The following DENND1A variants were observed in gnomAD, a reference collection of about 807,000 sequenced individuals.
DENND1A encodes the protein DENN domain containing 1A, also known as DENN domain-containing protein 1A.
A neutral mutation model predicts 113.7 loss-of-function variants in DENND1A; 51 were observed. The ratio of observed to expected loss-of-function variants is 0.45; its 90% CI spans 0.36 to 0.57. The LOEUF is 0.57. Ranked by LOEUF, DENND1A falls within the 20% of genes least tolerant of loss-of-function variation. The probability of loss-of-function intolerance (pLI) is 0.00; values close to 1 mark genes in which losing one functional copy is unlikely to be tolerated. For synonymous variants in DENND1A, 565 were observed against 570.8 expected (o/e 0.99, Z 0.14); for missense variants, 1,258 against 1,395.9 (o/e 0.90, Z 1.57).
chr9:123,381,890 G>A lies in DENND1A; in HGVS notation c.2755C>T (p.Pro919Ser). The change falls in exon 24 of 24, where the codon CCT becomes TCT. Residue 919 changes from proline (P) to serine (S), a missense_variant. Pro to Ser is a moderately conservative substitution (Grantham distance 74, BLOSUM62 -1). Transcript: ENST00000394215. This position sits in a 1 kb window ranked among gnomAD's most constrained non-coding sequence, Gnocchi z 4.7. ...VSTPAGPFGA[P>S]PASLGPAFAS... is the part of the protein sequence containing the mutation. Reference sequence around the variant, plus strand: ...AAAGCCGGCCCCAGGGAAGCTGGAGGGGCCCCGAAAGGCCCGGCTGGTGTG... The same window carrying A: ...AAAGCCGGCCCCAGGGAAGCTGGAGAGGCCCCGAAAGGCCCGGCTGGTGTG... 1 of 1,456,712 alleles carries A rather than the reference G, an allele frequency of 6.9e-7. No individual in the cohort carries two copies. Among genetic ancestry groups the A allele is most frequent in the South Asian group, 1.5e-5 (1 of 68,396 alleles). 90.2% of individuals were successfully genotyped at this position (1,456,712 alleles called of 1,614,324 possible).
chr9:123,690,992 G>T (rs1014218875), intron 5 of DENND1A, among the ~76,000 whole-genome samples: 2 of 152,154 alleles, frequency 1.3e-5, no homozygotes, highest in African/African-American at 4.8e-5. Flanking sequence ...GGTTTTCAGT[G>T]ACCTTTCCTT....
intron 13 of DENND1A, among the ~76,000 whole-genome samples, chr9:123,491,110 A>T (rs1041594028): frequency 1.3e-5 from 2 of 152,278 alleles, no homozygotes; most frequent in African/African-American, 4.8e-5. Flanking sequence ...GGAAATCACC[A>T]GCAATGATCC....
At chr9:123,834,028 CCTGGCGAAAGAGCAAGACT>C (rs1840694327) in intron 2 of DENND1A, among the ~76,000 whole-genome samples, 1 of 152,166 alleles carries the variant, frequency 6.6e-6, no homozygotes, top group African/African-American at 2.4e-5. Context: ...TGCACTCCAG[CCTGGCGAAAGAGCAAGACT>C]CTGTCTCAAA....
intron 2 of DENND1A, among the ~76,000 whole-genome samples, chr9:123,806,933 A>G (rs559900481): frequency 2.0e-5 from 3 of 152,346 alleles, no homozygotes; most frequent in South Asian, 4.1e-4. Flanking sequence ...CTTAAAATCT[A>G]TCTGAAGGAA....
chr9:123,541,224 C>T (rs963932966), intron 13 of DENND1A, among the ~76,000 whole-genome samples: 3 of 152,130 alleles, frequency 2.0e-5, no homozygotes, highest in Non-Finnish European at 4.4e-5. Flanking sequence ...AATTTCAATT[C>T]TCTCTGCTTT....
At chr9:123,641,506 C>T (rs1354260997) in intron 9 of DENND1A, among the ~76,000 whole-genome samples, 4 of 151,256 alleles carry the variant, frequency 2.6e-5, no homozygotes, top group Non-Finnish European at 5.9e-5. Context: ...CGGTGGACTG[C>T]ACTGGTATTC....
chr9:123,623,676 G>A (rs1293374980), intron 10 of DENND1A, among the ~76,000 whole-genome samples: 4 of 152,196 alleles, frequency 2.6e-5, no homozygotes, highest in African/African-American at 7.2e-5. Flanking sequence ...ATTGTATGTC[G>A]TATTTGTGAA....
chr9:123,725,104 G>A (rs976734492), intron 5 of DENND1A, among the ~76,000 whole-genome samples: 23 of 152,314 alleles, frequency 1.5e-4, no homozygotes, highest in Admixed American at 1.3e-3. Flanking sequence ...GCCATTCAGA[G>A]CACAATGACA....
rs142348053 is a variant in DENND1A at position 123,713,878 on chromosome 9, C to T, written c.303-37089G>A. Reference sequence around the variant, plus strand: ...CCAAGGTCATATAGTTTATGAAAGACGGGGCTGAGATTTGACTCTAGATCT... The same window carrying T: ...CCAAGGTCATATAGTTTATGAAAGATGGGGCTGAGATTTGACTCTAGATCT... On this transcript the variant is annotated intron_variant, in intron 5 of 23. Transcript: ENST00000394215. Among the ~76,000 whole-genome samples, 569 of 152,068 alleles carry T rather than the reference C, an allele frequency of 3.7e-3. 3 individuals are homozygous for T. Among genetic ancestry groups the T allele is most frequent in the African/African-American group, 0.012 (499 of 41,476 alleles).
intron 9 of DENND1A, among the ~76,000 whole-genome samples, chr9:123,639,039 TA>T (rs750972974): frequency 0.039 from 1,234 of 32,022 alleles, 1 homozygote; most frequent in Non-Finnish European, 0.052. Context: ...GCATGAGTAG[TA>T]AAAAAAAAAA....
intron 2 of DENND1A, among the ~76,000 whole-genome samples, chr9:123,850,669 G>A (rs1026406165): frequency 6.6e-6 from 1 of 152,100 alleles, no homozygotes; most frequent in Non-Finnish European, 1.5e-5. Flanking sequence ...GATTACATAA[G>A]CTCGCCATGC....
intron 5 of DENND1A, among the ~76,000 whole-genome samples, chr9:123,740,067 C>T (rs2068875917): frequency 6.6e-6 from 1 of 152,152 alleles, no homozygotes; most frequent in Non-Finnish European, 1.5e-5. Context: ...TCTTACAAAA[C>T]CACCTTTAAG....
intron 12 of DENND1A, among the ~76,000 whole-genome samples, chr9:123,561,581 T>C (rs1383082479): frequency 6.6e-6 from 1 of 152,186 alleles, no homozygotes; most frequent in African/African-American, 2.4e-5. Flanking sequence ...GTCATATATC[T>C]AAAGCTGAAC....
At chr9:123,652,571 G>T (rs369721438) in intron 8 of DENND1A, among the ~76,000 whole-genome samples, 8 of 152,278 alleles carry the variant, frequency 5.3e-5, no homozygotes, top group East Asian at 3.9e-4. Flanking sequence ...CTAAGCAAAA[G>T]AAAGTACCCA....
chr9:123,504,733 C>T (rs180781769), intron 13 of DENND1A, among the ~76,000 whole-genome samples: 7 of 152,266 alleles, frequency 4.6e-5, no homozygotes, highest in South Asian at 2.1e-4. Context: ...CAGGCAGGGC[C>T]GGCACTCCTG....
intron 5 of DENND1A, among the ~76,000 whole-genome samples, chr9:123,757,500 T>C (rs1438286217): frequency 6.6e-6 from 1 of 152,160 alleles, no homozygotes; most frequent in Admixed American, 6.5e-5. Context: ...CCAAGGGATG[T>C]GATACAAATA....
At chr9:123,832,667 AGTGTATAGCAAT>A (rs1840406304) in intron 2 of DENND1A, among the ~76,000 whole-genome samples, 1 of 152,244 alleles carries the variant, frequency 6.6e-6, no homozygotes. Flanking sequence ...ATTACAGAAT[AGTGTATAGCAAT>A]GAAAAGGAGC....
chr9:123,879,817 T>C (rs555517450), intron 1 of DENND1A, among the ~76,000 whole-genome samples: 2 of 152,284 alleles, frequency 1.3e-5, no homozygotes, highest in African/African-American at 4.8e-5. Context: ...AGAGGAACAG[T>C]GTATCTCACT....
At chr9:123,443,999 T>G (rs116203512) in intron 18 of DENND1A, among the ~76,000 whole-genome samples, 415 of 152,110 alleles carry the variant, frequency 2.7e-3, no homozygotes, top group African/African-American at 9.4e-3. Context: ...CTCTGTTCTA[T>G]CTCCTGGTAG....
Sources: gnomAD v4.1 joint callset for allele counts (sites outside exome capture counted in the v4.1 genomes callset) on GRCh38, gnomAD v4.1.1 for gene constraint, Gnocchi (gnomAD v3.1) non-coding constraint, MANE v1.5 for transcripts, NCBI Gene and HGNC (gene_info 2026-07-23, HGNC 2026-07-21) for gene names.